Variants in LYST observed in about 807,000 individuals in gnomAD.
LYST encodes lysosomal-trafficking regulator.
A neutral mutation model predicts 413.6 loss-of-function variants in LYST; 192 were observed. That is an observed-to-expected ratio of 0.46 (90% CI 0.41 to 0.52). The LOEUF (loss-of-function observed/expected upper bound fraction) is 0.52. LYST is among the 20% of genes least tolerant of loss of function. The pLI is 0.00. For missense variants in LYST, 3,815 were observed against 4,499.9 expected, an observed-to-expected ratio of 0.85 and a Z score of 4.35; for synonymous variants, 1,525 against 1,567.3, an observed-to-expected ratio of 0.97 and a Z score of 0.64.
chr1:235,797,117 A>G (rs1272477618), intron 10 of LYST, among the ~76,000 whole-genome samples: 1 of 152,208 alleles, frequency 6.6e-6, no homozygotes, highest in East Asian at 1.9e-4. Flanking sequence ...CACAAAATAA[A>G]TGACTCGAGA....
Position 235,801,096 on chromosome 1 carries a change from C to G in LYST, c.3714G>C (p.Gly1238=). The G allele has an allele frequency of 6.3e-7, 1 of 1,582,148 alleles. No homozygotes were observed. Among genetic ancestry groups the G allele is most frequent in the Non-Finnish European group, 8.7e-7 (1 of 1,151,760 alleles). ...NPEDGETQDD[G]VDLKSETEGF... is the part of the protein sequence containing the mutation. ...CTTCTGTTTCAGACTTTAAGTCTACCCCTGAAAAGAGAAAAGCGAAAGATT... is the reference window on the plus strand; with the variant it reads ...CTTCTGTTTCAGACTTTAAGTCTACGCCTGAAAAGAGAAAAGCGAAAGATT... The change falls in exon 9 of 53, where the codon GGG becomes GGC. Residue 1238 remains glycine, a splice_region_variant and synonymous_variant. Transcript: ENST00000389793.
chr1:235,685,502 C>T (rs1234276439), intron 48 of LYST, among the ~76,000 whole-genome samples: 1 of 151,990 alleles, frequency 6.6e-6, no homozygotes, highest in African/African-American at 2.4e-5. Flanking sequence ...ACCTCAGTGA[C>T]CATGCAAAGA....
At chr1:235,747,431 C>T (rs994490106) in intron 28 of LYST, 8 of 221,696 alleles carry the variant, frequency 3.6e-5, no homozygotes, top group African/African-American at 1.9e-4. Context: ...AAAGACTTAT[C>T]CTGTAAGATA....
chr1:235,728,787 T>C (rs945561287), intron 37 of LYST, among the ~76,000 whole-genome samples: 3 of 152,178 alleles, frequency 2.0e-5, no homozygotes, highest in African/African-American at 7.2e-5. Flanking sequence ...ACTATCTCCA[T>C]CCTTGTGACG....
chr1:235,860,301 C>T (rs895685046), intron 1 of LYST, among the ~76,000 whole-genome samples: 7 of 152,148 alleles, frequency 4.6e-5, no homozygotes, highest in African/African-American at 1.2e-4. Context: ...TGGACAGCCC[C>T]CCTAAACTGG....
At chr1:235,795,175 G>T (rs1671424135) in intron 10 of LYST, among the ~76,000 whole-genome samples, 1 of 152,168 alleles carries the variant, frequency 6.6e-6, no homozygotes. Flanking sequence ...CGACAATACA[G>T]GGATTAACGA....
rs1354602586 is a variant in LYST at position 235,664,229 on chromosome 1, CTT to C, written c.11196-176_11196-175del. 6.6e-6 allele frequency among the ~76,000 whole-genome samples: 1 copy of C among 152,144 alleles called. No individual in the cohort carries two copies. Among genetic ancestry groups the C allele is most frequent in the Non-Finnish European group, 1.5e-5 (1 of 68,020 alleles). Reference sequence around the variant, plus strand: ...GATGTGGGAATAAGAGAACTTTTAACTTTGTATACTTCCATACTGTTAATCTT... The same window carrying C: ...GATGTGGGAATAAGAGAACTTTTAACTGTATACTTCCATACTGTTAATCTT... On this transcript the variant is annotated intron_variant, in intron 51 of 52. Transcript: ENST00000389793. This position sits in a 1 kb window ranked among gnomAD's most constrained non-coding sequence, Gnocchi z 4.5.
intron 23 of LYST, among the ~76,000 whole-genome samples, chr1:235,757,949 CCAGTTCACTCA>C (rs1667202144): frequency 6.6e-6 from 1 of 151,456 alleles, no homozygotes; most frequent in Non-Finnish European, 1.5e-5. Flanking sequence ...TCAGAAAAAC[CCAGTTCACTCA>C]CAGAGAAGAG....
chr1:235,872,625 C>A (rs530999775), intron 1 of LYST, among the ~76,000 whole-genome samples: 1 of 152,218 alleles, frequency 6.6e-6, no homozygotes, highest in South Asian at 2.1e-4. Flanking sequence ...TGGCCAGCTT[C>A]TATTCAGAAA....
intron 42 of LYST, 40 bp from the exon 43 acceptor site, chr1:235,712,237 C>A (rs535732079): frequency 1.9e-5 from 27 of 1,443,816 alleles, no homozygotes; most frequent in Non-Finnish European, 2.6e-5. Context: ...GACACAAAGA[C>A]CTAATTCTAT....
Position 235,777,170 on chromosome 1 carries a change from A to G in LYST, c.5353T>C (p.Leu1785=), listed in dbSNP as rs778085259. 16 of 1,613,682 alleles carry G rather than the reference A, an allele frequency of 9.9e-6. No homozygotes were observed. The highest frequency in any genetic ancestry group is 1.4e-5 in the Non-Finnish European group (16 of 1,179,820). ...FSSKEVQSIL[L]EPHHLKNLQP... is the part of the protein sequence containing the mutation. Reference sequence around the variant, plus strand: ...AGATTCTTTAGATGATGAGGTTCTAATAAGATGCTCTGAACTTCTTTTGAG... The same window carrying G: ...AGATTCTTTAGATGATGAGGTTCTAGTAAGATGCTCTGAACTTCTTTTGAG... The change falls in exon 17 of 53, where the codon TTA becomes CTA. Residue 1785 remains leucine (L), a synonymous_variant. Coordinates refer to ENST00000389793, the MANE Select transcript of LYST (RefSeq NM_000081.4).
At chr1:235,794,074 C>A (rs1315441633) in intron 10 of LYST, among the ~76,000 whole-genome samples, 1 of 152,080 alleles carries the variant, frequency 6.6e-6, no homozygotes, top group Non-Finnish European at 1.5e-5. Context: ...CTCAGGTGAT[C>A]CACCTGCCTC....
intron 14 of LYST, among the ~76,000 whole-genome samples, chr1:235,784,149 G>C (rs892975210): frequency 6.6e-6 from 1 of 151,996 alleles, no homozygotes; most frequent in Non-Finnish European, 1.5e-5. Flanking sequence ...CAAAGTGCTG[G>C]GATTACAGGC....
Position 235,676,994 on chromosome 1 carries a change from G to A in LYST, c.11038+97C>T, listed in dbSNP as rs7517694. On this transcript the variant is annotated intron_variant, in intron 50 of 52. Transcript: ENST00000389793. Reference sequence around the variant, plus strand: ...GTTACCAAAGTATTTAGATCTGGCAGGGACCTGAGAGAATGGCTCGACCTA... The same window carrying A: ...GTTACCAAAGTATTTAGATCTGGCAAGGACCTGAGAGAATGGCTCGACCTA... 12,933 of 831,098 alleles carry A rather than the reference G, an allele frequency of 0.016. 1,078 individuals are homozygous for A. The African/African-American group carries it at 0.19, about 12-fold the overall frequency. The allele number at this position is 831,098 out of a possible 1,614,324, so 51.5% of individuals were successfully genotyped here.
intron 3 of LYST, among the ~76,000 whole-genome samples, chr1:235,813,990 A>G (rs553122669): frequency 6.6e-6 from 1 of 152,330 alleles, no homozygotes; most frequent in South Asian, 2.1e-4. Flanking sequence ...GAGAGAGATG[A>G]TGACTTTCTG....
intron 47 of LYST, among the ~76,000 whole-genome samples, chr1:235,692,072 C>T (rs1660705639): frequency 1.3e-5 from 2 of 150,426 alleles, no homozygotes; most frequent in South Asian, 4.3e-4. Context: ...GTGGCTCACG[C>T]ATGTAATCCC....
In LYST at chr1:235,733,894, A is replaced by G. The variant is rs1414691539; in HGVS notation, c.8548T>C (p.Tyr2850His). Residue 2850 changes from tyrosine (Y) to histidine (H), a missense_variant, in exon 33 of 53, where the codon TAT (tyrosine) becomes CAT (histidine). By Grantham distance (83) the Tyr-to-His change is moderately conservative (BLOSUM62 2). This residue lies in a region of LYST where 771 missense variants were observed against 837.1 expected (regional missense o/e 0.92). Coordinates refer to ENST00000389793, the MANE Select transcript of LYST (RefSeq NM_000081.4). ...IKMIKEEQKK[Y>H]ETEEGVNKAA... Reference sequence around the variant, plus strand: ...TTATTCACTCCTTCTTCAGTTTCATATTTCTTTTGTTCCTAGAAGATTTAG... The same window carrying G: ...TTATTCACTCCTTCTTCAGTTTCATGTTTCTTTTGTTCCTAGAAGATTTAG... 6.4e-7 allele frequency: 1 copy of G among 1,573,050 alleles called. No individual in the cohort carries two copies. The highest frequency in any genetic ancestry group is 2.2e-5 in the East Asian group (1 of 44,600).
chr1:235,727,638 G>A (rs1054225209), intron 38 of LYST, among the ~76,000 whole-genome samples: 5 of 152,050 alleles, frequency 3.3e-5, no homozygotes, highest in African/African-American at 1.2e-4. Flanking sequence ...ATTAATATCA[G>A]TCTGTCTAGA....
At position 235,808,957 on chromosome 1, in the gene LYST, C is replaced by T; in HGVS notation, c.1861G>A (p.Asp621Asn). 1 of 1,613,736 alleles carries T rather than the reference C, an allele frequency of 6.2e-7. No homozygotes were observed. Among genetic ancestry groups the T allele is most frequent in the South Asian group, 1.1e-5 (1 of 91,066 alleles). ...ILNILNKLIL[D>N]QLGGAEISPK... is the part of the protein sequence containing the mutation. ...GATATCTCTGCTCCTCCTAACTGATCCAAAATAAGTTTGTTAAGGATATTC... is the reference window on the plus strand; with the variant it reads ...GATATCTCTGCTCCTCCTAACTGATTCAAAATAAGTTTGTTAAGGATATTC... The change falls in exon 5 of 53, where the codon GAT (aspartate) becomes AAT (asparagine). Residue 621 changes from aspartate to asparagine, a missense_variant. By Grantham distance (23) the Asp-to-Asn change is conservative (BLOSUM62 1). Around this residue, in one of 4 missense-constraint regions of LYST, gnomAD observed 1,648 missense variants for 1,810.3 expected, o/e 0.91. Transcript: ENST00000389793.
Sources: allele counts gnomAD v4.1 joint callset (sites outside exome capture counted in the v4.1 genomes callset), GRCh38; gene constraint gnomAD v4.1.1; regional missense constraint gnomAD v4.1.1; non-coding constraint Gnocchi (gnomAD v3.1); transcripts MANE v1.5; gene names NCBI Gene and HGNC (gene_info 2026-07-23, HGNC 2026-07-21).